PATJ: variants seen among roughly 807,000 people sequenced by gnomAD.
PATJ encodes the protein inaD-like protein.
PATJ carries 190 observed loss-of-function variants against 224.9 expected under a neutral mutation model. The ratio of observed to expected loss-of-function variants is 0.84; its 90% CI spans 0.75 to 0.95. The LOEUF (loss-of-function observed/expected upper bound fraction) is 0.95, where lower values mean the gene tolerates loss of function less well. Among genes scored for constraint, PATJ ranks in the 40% least tolerant of loss-of-function variants. The pLI, the probability that PATJ is intolerant of heterozygous loss-of-function variation, is 0.00. For synonymous variants in PATJ, 769 were observed against 820.3 expected (o/e 0.94, Z 1.07); for missense variants, 2,121 against 2,270.3 (o/e 0.93, Z 1.34).
chr1:61,812,327 A>T (rs1407054407), intron 14 of PATJ, among the ~76,000 whole-genome samples: 1 of 147,688 alleles, frequency 6.8e-6, no homozygotes, highest in Non-Finnish European at 1.5e-5. Flanking sequence ...GTGCCTGCTA[A>T]TGTGGTGATA....
intron 4 of PATJ, among the ~76,000 whole-genome samples, chr1:61,768,503 C>G (rs1315838183): frequency 8.3e-6 from 1 of 120,728 alleles, no homozygotes; most frequent in East Asian, 3.1e-4. Flanking sequence ...AAATAGATAT[C>G]AATTAATCAA....
intron 42 of PATJ, among the ~76,000 whole-genome samples, chr1:62,149,220 C>G (rs952931709): frequency 6.6e-6 from 1 of 151,400 alleles, no homozygotes; most frequent in Non-Finnish European, 1.5e-5. Flanking sequence ...ACTAGGTGGT[C>G]TGTGGTGGAT....
intron 33 of PATJ, among the ~76,000 whole-genome samples, chr1:62,089,990 A>C (rs1660522931): frequency 6.6e-6 from 1 of 152,124 alleles, no homozygotes; most frequent in Non-Finnish European, 1.5e-5. Context: ...TGTGTGTCCA[A>C]AAGATATTTT....
At chr1:61,844,061 G>A (rs1320557189) in intron 17 of PATJ, among the ~76,000 whole-genome samples, 3 of 152,224 alleles carry the variant, frequency 2.0e-5, no homozygotes, top group Non-Finnish European at 4.4e-5. Context: ...TAGACAGACA[G>A]CGGACAAATA....
chr1:62,094,778 A>G (rs1445241237), intron 33 of PATJ, among the ~76,000 whole-genome samples: 1 of 152,078 alleles, frequency 6.6e-6, no homozygotes, highest in Non-Finnish European at 1.5e-5. Context: ...ATTATGATCC[A>G]TTTTCTTCCT....
chr1:61,755,801 C>T (rs776114761), intron 1 of PATJ, among the ~76,000 whole-genome samples: 4 of 152,010 alleles, frequency 2.6e-5, no homozygotes, highest in South Asian at 2.1e-4. Context: ...AATAAGGCCA[C>T]GTGTCTTTTT....
intron 29 of PATJ, among the ~76,000 whole-genome samples, chr1:62,020,127 G>T (rs750141479): frequency 6.6e-6 from 1 of 151,908 alleles, no homozygotes; most frequent in Non-Finnish European, 1.5e-5. Flanking sequence ...CCATGATCAC[G>T]CCACTGCACT....
chr1:62,096,183 T>C (rs888829431), intron 33 of PATJ, among the ~76,000 whole-genome samples: 1 of 152,174 alleles, frequency 6.6e-6, no homozygotes, highest in Admixed American at 6.5e-5. Flanking sequence ...ACAAGAAGTA[T>C]GGGAACTGAA....
chr1:62,060,625 G>A (rs533102457), intron 31 of PATJ, among the ~76,000 whole-genome samples: 1 of 152,166 alleles, frequency 6.6e-6, no homozygotes, highest in African/African-American at 2.4e-5. Flanking sequence ...ATAGGGTGGT[G>A]GTAGGTGGGA....
intron 41 of PATJ, among the ~76,000 whole-genome samples, chr1:62,132,682 C>T (rs772303402): frequency 6.6e-6 from 1 of 152,016 alleles, no homozygotes; most frequent in East Asian, 1.9e-4. Context: ...GCTGGCAGAT[C>T]GCTTGAGCCC....
rs149828276 is a variant in PATJ, at chr1:61,744,316, A to ATTATC, written c.-36+1778_-36+1782dup. On this transcript the variant is annotated intron_variant, in intron 1 of 43. Transcript: ENST00000642238. ...AAAAAAAAAAAAAAAAGGAAAAAAG[A>ATTATC]TTATCTTATCTTATCTTATCTGAAT... Among the ~76,000 whole-genome samples the ATTATC allele has an allele frequency of 6.3e-4, 93 of 147,700 alleles. 1 individual carries two copies. Among genetic ancestry groups the ATTATC allele is most frequent in the Admixed American group, 1.2e-3 (18 of 14,482 alleles).
chr1:61,864,766 G>T, intron 20 of PATJ, 133 bp downstream of exon 20: 1 of 673,082 alleles, frequency 1.5e-6, no homozygotes. Flanking sequence ...TTTACAAGAT[G>T]TGTCATCCAG....
At chr1:61,870,562 A>G (rs934025337) in intron 20 of PATJ, among the ~76,000 whole-genome samples, 2 of 152,146 alleles carry the variant, frequency 1.3e-5, no homozygotes, top group African/African-American at 4.8e-5. Context: ...GTCACTACCA[A>G]TACCAACTCT....
At chr1:61,920,724 T>TTTTTTC (rs1242326342) in intron 26 of PATJ, among the ~76,000 whole-genome samples, 1 of 145,190 alleles carries the variant, frequency 6.9e-6, no homozygotes, top group African/African-American at 2.7e-5. Context: ...TTTTTTTTTT[T>TTTTTTC]TGAGACAGAG....
intron 1 of PATJ, among the ~76,000 whole-genome samples, chr1:61,746,455 C>T (rs947899345): frequency 2.4e-4 from 37 of 152,098 alleles, no homozygotes; most frequent in Admixed American, 3.9e-4. Context: ...GAAAAAGGAG[C>T]GAATGAAAGG....
intron 41 of PATJ, among the ~76,000 whole-genome samples, chr1:62,130,944 AAAGT>A (rs1054334890): frequency 1.4e-4 from 21 of 152,332 alleles, no homozygotes; most frequent in Admixed American, 7.8e-4. Context: ...AGACATTTAA[AAAGT>A]AAGTGGCTTT....
At chr1:61,997,824 T>TGTTTA (rs1553235993) in intron 28 of PATJ, among the ~76,000 whole-genome samples, 201 of 85,522 alleles carry the variant, frequency 2.4e-3, no homozygotes, top group African/African-American at 8.8e-3. Flanking sequence ...TGTTTTGTTT[T>TGTTTA]AAAAAAAAAA....
chr1:62,144,777 A>AAATATATATATATATATAT (rs377489788), intron 41 of PATJ, among the ~76,000 whole-genome samples: 2 of 119,102 alleles, frequency 1.7e-5, no homozygotes, highest in East Asian at 7.0e-4. Context: ...AAAAAAAAAA[A>AAATATATATATATATATAT]ATATATATAT....
At chr1:61,995,076 G>T (rs1645278352) in intron 28 of PATJ, among the ~76,000 whole-genome samples, 1 of 152,132 alleles carries the variant, frequency 6.6e-6, no homozygotes, top group Non-Finnish European at 1.5e-5. Context: ...TTAATGATGA[G>T]TACCAAGAAA....
Sources: gnomAD v4.1 joint callset for allele counts (sites outside exome capture counted in the v4.1 genomes callset) on GRCh38, gnomAD v4.1.1 for gene constraint, MANE v1.5 for transcripts, NCBI Gene and HGNC (gene_info 2026-07-23, HGNC 2026-07-21) for gene names.